Variants in PRKN observed in about 807,000 individuals in gnomAD.
PRKN encodes the protein E3 ubiquitin-protein ligase parkin.
Under a neutral mutation model 59.5 loss-of-function variants are expected in PRKN, and 56 were observed. The ratio of observed to expected loss-of-function variants is 0.94; its 90% CI spans 0.76 to 1.18. The LOEUF (loss-of-function observed/expected upper bound fraction) is 1.18. Ranked by LOEUF, PRKN falls within the 50% of genes most tolerant of loss-of-function variation. PRKN has a pLI of 0.00. For missense variants in PRKN, 657 were observed against 596.4 expected (o/e 1.10, Z -1.06); for synonymous variants, 250 against 222.1 (o/e 1.13, Z -1.12).
intron 9 of PRKN, among the ~76,000 whole-genome samples, chr6:161,416,790 C>T (rs904327594): frequency 6.6e-6 from 1 of 152,142 alleles, no homozygotes; most frequent in Non-Finnish European, 1.5e-5. Context: ...AACCGTGCTA[C>T]GGAGTTGATA....
In PRKN at chr6:162,011,450, A is replaced by G. The variant is rs1470712598; in HGVS notation, c.619-38033T>C. 2.9e-4 allele frequency among the ~76,000 whole-genome samples: 3 copies of G among 10,232 alleles called. 1 individual carries two copies. The highest frequency in any genetic ancestry group is 4.0e-4 in the Non-Finnish European group (3 of 7,542). 6.7% of individuals were successfully genotyped at this position (10,232 alleles called of 152,430 possible). A position where few individuals can be genotyped will look rare whatever the true frequency, so the allele number is the denominator to read the frequency against. On this transcript the variant is annotated intron_variant, in intron 5 of 11. Transcript: ENST00000366898. Reference sequence around the variant, plus strand: ...AATATATATGTTATATATTTATAATATATAATATATATATTATAATATATA... The same window carrying G: ...AATATATATGTTATATATTTATAATGTATAATATATATATTATAATATATA...
At chr6:161,671,749 C>G (rs1356475312) in intron 7 of PRKN, among the ~76,000 whole-genome samples, 1 of 152,132 alleles carries the variant, frequency 6.6e-6, no homozygotes, top group African/African-American at 2.4e-5. Context: ...TAATCATAAA[C>G]TGAAAAGAGA....
At chr6:161,916,821 C>T (rs1275671816) in intron 6 of PRKN, among the ~76,000 whole-genome samples, 1 of 151,910 alleles carries the variant, frequency 6.6e-6, no homozygotes, top group South Asian at 2.1e-4. Flanking sequence ...TTTTTTGAGG[C>T]GGAGTCGCGC....
chr6:162,191,492 G>T (rs1784275327), intron 4 of PRKN, among the ~76,000 whole-genome samples: 1 of 152,050 alleles, frequency 6.6e-6, no homozygotes, highest in African/African-American at 2.4e-5. Flanking sequence ...ACCCAAGCTG[G>T]AGTGCAATAG....
intron 3 of PRKN, among the ~76,000 whole-genome samples, chr6:162,253,913 C>T (rs1779537902): frequency 1.3e-5 from 2 of 152,188 alleles, no homozygotes; most frequent in Admixed American, 6.5e-5. Context: ...ACTCACCAAG[C>T]TGTGACTTTA....
intron 6 of PRKN, among the ~76,000 whole-genome samples, chr6:161,930,785 G>T (rs974106493): frequency 2.0e-5 from 3 of 152,184 alleles, no homozygotes; most frequent in Admixed American, 1.3e-4. Flanking sequence ...ATAATCACAG[G>T]ATCCTTAAAA....
rs1255159552 is a variant in PRKN, at chr6:161,579,980, A to C, written c.872-10564T>G. On this transcript the variant is annotated intron_variant, in intron 7 of 11. Coordinates refer to ENST00000366898, the MANE Select transcript of PRKN (RefSeq NM_004562.3). The surrounding 1 kb of genome is among the most constrained non-coding windows in gnomAD (Gnocchi z 4.2). ...AAGCACTCTAAATATTGCCACTTAA[A>C]TTCATCACTGCTTTTATATAGCATC... 5.9e-5 allele frequency among the ~76,000 whole-genome samples: 9 copies of C among 152,220 alleles called. No individual in the cohort carries two copies. Among genetic ancestry groups the C allele is most frequent in the African/African-American group, 2.2e-4 (9 of 41,448 alleles).
At chr6:162,412,374 C>G (rs563323353) in intron 2 of PRKN, among the ~76,000 whole-genome samples, 24 of 152,064 alleles carry the variant, frequency 1.6e-4, no homozygotes, top group Admixed American at 1.1e-3. Context: ...AAAGATGTCA[C>G]CCACAGGAAG....
chr6:162,504,471 A>G (rs12526046), intron 1 of PRKN, among the ~76,000 whole-genome samples: 40,730 of 151,968 alleles, frequency 0.27, 6,506 homozygotes, highest in Middle Eastern at 0.37. Context: ...TGGCATAGGG[A>G]ACAGATAATA....
intron 7 of PRKN, among the ~76,000 whole-genome samples, chr6:161,765,713 T>C (rs1789396540): frequency 6.6e-6 from 1 of 152,116 alleles, no homozygotes; most frequent in Non-Finnish European, 1.5e-5. Flanking sequence ...ATAAATAAAT[T>C]GTGATGATGA....
At chr6:162,317,199 C>A (rs1782788761) in intron 2 of PRKN, among the ~76,000 whole-genome samples, 1 of 152,018 alleles carries the variant, frequency 6.6e-6, no homozygotes, top group East Asian at 2.0e-4. Flanking sequence ...CCAAATCTCA[C>A]CTTGAATTGT....
chr6:162,269,809 A>G (rs1393213280), intron 2 of PRKN, among the ~76,000 whole-genome samples: 1 of 152,192 alleles, frequency 6.6e-6, no homozygotes, highest in Admixed American at 6.5e-5. Context: ...GCAAGTCGAA[A>G]CCACAATGCG....
intron 7 of PRKN, among the ~76,000 whole-genome samples, chr6:161,573,199 C>T (rs1028438860): frequency 6.6e-6 from 1 of 152,142 alleles, no homozygotes; most frequent in Non-Finnish European, 1.5e-5. Context: ...ACATTTGAAT[C>T]TGGGCCAACT....
In PRKN at chr6:162,137,843, A is replaced by G. The variant is rs376740222; in HGVS notation, c.534+63288T>C. On this transcript the variant is annotated intron_variant, in intron 4 of 11. Coordinates refer to ENST00000366898, the MANE Select transcript of PRKN (RefSeq NM_004562.3). ...TCTTCACACTGTTACAATGGCAATT[A>G]AATTTCAACATGAGTTTTGGAAGGG... 7.9e-4 allele frequency among the ~76,000 whole-genome samples: 121 copies of G among 152,330 alleles called. 1 individual carries two copies. In the South Asian group the frequency reaches 0.015, roughly 19 times the overall value.
At chr6:162,406,264 C>T (rs1788065537) in intron 2 of PRKN, among the ~76,000 whole-genome samples, 1 of 152,148 alleles carries the variant, frequency 6.6e-6, no homozygotes, top group South Asian at 2.1e-4. Flanking sequence ...TTGACCTTTG[C>T]TGAAGTCAGA....
At chr6:161,612,441 C>A (rs1314511868) in intron 7 of PRKN, among the ~76,000 whole-genome samples, 1 of 152,110 alleles carries the variant, frequency 6.6e-6, no homozygotes, top group Non-Finnish European at 1.5e-5. Context: ...GTGATATCAG[C>A]CAGGCGCGGT....
chr6:162,492,928 G>A (rs1169092779), intron 1 of PRKN, among the ~76,000 whole-genome samples: 2 of 146,746 alleles, frequency 1.4e-5, no homozygotes, highest in Non-Finnish European at 3.0e-5. Context: ...ACTCCAGCCT[G>A]GGCAACAGAG....
chr6:162,151,600 C>G (rs1782272976), intron 4 of PRKN, among the ~76,000 whole-genome samples: 1 of 152,132 alleles, frequency 6.6e-6, no homozygotes, highest in Non-Finnish European at 1.5e-5. Flanking sequence ...TATTTTGATG[C>G]CTGAGACTAT....
At chr6:162,262,335 T>TA in intron 3 of PRKN, 190 bp downstream of exon 3, 1 of 728,544 alleles carries the variant, frequency 1.4e-6, no homozygotes, top group South Asian at 1.4e-5. Context: ...TCATAGTACT[T>TA]ACAATAAATG....
Sources: gnomAD v4.1 joint callset for allele counts (sites outside exome capture counted in the v4.1 genomes callset) on GRCh38, gnomAD v4.1.1 for gene constraint, Gnocchi (gnomAD v3.1) non-coding constraint, MANE v1.5 for transcripts, NCBI Gene and HGNC (gene_info 2026-07-23, HGNC 2026-07-21) for gene names.